Variants in MAN1C1 observed in about 807,000 individuals in gnomAD.
MAN1C1 encodes mannosyl-oligosaccharide 1,2-alpha-mannosidase IC.
Under a neutral mutation model 71.5 loss-of-function variants are expected in MAN1C1, and 49 were observed. That is an observed-to-expected ratio of 0.69 (90% CI 0.54 to 0.87). MAN1C1 has a LOEUF of 0.87. MAN1C1 is among the 40% of genes least tolerant of loss of function. The pLI, the probability that MAN1C1 is intolerant of heterozygous loss-of-function variation, is 0.00. For synonymous variants in MAN1C1, 352 were observed against 343.7 expected, an observed-to-expected ratio of 1.02 and a Z score of -0.27; for missense variants, 743 against 835.0, an observed-to-expected ratio of 0.89 and a Z score of 1.36.
chr1:25,685,669 A>G (rs930903997), intron 1 of MAN1C1, among the ~76,000 whole-genome samples: 1 of 152,158 alleles, frequency 6.6e-6, no homozygotes, highest in Non-Finnish European at 1.5e-5. Flanking sequence ...TCCACATAGG[A>G]AGAACTTGTG....
At chr1:25,763,614 A>G in intron 6 of MAN1C1, 1 of 460,422 alleles carries the variant, frequency 2.2e-6, no homozygotes. Flanking sequence ...TCTGGGGTTG[A>G]GACTGTCCAG....
At chr1:25,672,267 A>T (rs192978569) in intron 1 of MAN1C1, among the ~76,000 whole-genome samples, 1 of 152,314 alleles carries the variant, frequency 6.6e-6, no homozygotes, top group East Asian at 1.9e-4. Context: ...CCTTCAGCTG[A>T]TGGGATGGTG....
chr1:25,707,227 C>T (rs932203536), intron 2 of MAN1C1, among the ~76,000 whole-genome samples: 3 of 152,156 alleles, frequency 2.0e-5, no homozygotes, highest in African/African-American at 7.2e-5. Context: ...CGTATAAAGC[C>T]ATCAGCACGA....
At chr1:25,752,172 T>C (rs2047224973) in intron 4 of MAN1C1, among the ~76,000 whole-genome samples, 1 of 152,086 alleles carries the variant, frequency 6.6e-6, no homozygotes. Flanking sequence ...GGCACGGCAC[T>C]TCACAGTTTA....
At chr1:25,652,097 T>C (rs900807901) in intron 1 of MAN1C1, among the ~76,000 whole-genome samples, 6 of 152,190 alleles carry the variant, frequency 3.9e-5, no homozygotes, top group African/African-American at 1.4e-4. Flanking sequence ...AGCTCTTGAC[T>C]CCTAAAAGTC....
intron 1 of MAN1C1, among the ~76,000 whole-genome samples, chr1:25,679,569 A>T (rs1234817400): frequency 6.6e-6 from 1 of 152,034 alleles, no homozygotes; most frequent in East Asian, 1.9e-4. Context: ...AAAAAAAAAA[A>T]AAAAGGCATT....
chr1:25,721,541 A>G lies in MAN1C1; in HGVS notation c.638-25127A>G, dbSNP rs544199411. ...TACCTAAGTATTTTATTCCTTTTTG[A>G]TGCTTTGTAAATGGAATTGTCTTCT... On this transcript the variant is annotated intron_variant, in intron 2 of 11. Coordinates refer to ENST00000374332, the MANE Select transcript of MAN1C1 (RefSeq NM_020379.4). Among the ~76,000 whole-genome samples the G allele has an allele frequency of 7.2e-5, 11 of 152,108 alleles. No homozygotes were observed. The South Asian group carries it at 2.3e-3, about 32-fold the overall frequency.
chr1:25,699,207 G>A (rs780019522), intron 2 of MAN1C1, among the ~76,000 whole-genome samples: 2 of 151,910 alleles, frequency 1.3e-5, no homozygotes, highest in African/African-American at 2.4e-5. Context: ...GGCTGAGGCA[G>A]GAGAATCGCT....
At chr1:25,671,260 C>T (rs750427535) in intron 1 of MAN1C1, among the ~76,000 whole-genome samples, 8 of 152,162 alleles carry the variant, frequency 5.3e-5, no homozygotes, top group Non-Finnish European at 7.3e-5. Context: ...AATAAGGATA[C>T]GGGCTGGCAT....
rs75256441 is a variant in MAN1C1, at chr1:25,764,275, G to A, written c.1141+308G>A. 0.015 allele frequency among the ~76,000 whole-genome samples: 2,263 copies of A among 152,176 alleles called. 53 individuals are homozygous for A. Among genetic ancestry groups the A allele is most frequent in the African/African-American group, 0.051 (2,127 of 41,494 alleles). ...AGCCTTCCATCTCTTATGCTGCTGC[G>A]GGAGCCTCCTGCATTATACCCCAGG... is the stretch of plus-strand genomic sequence containing the variant. On this transcript the variant is annotated intron_variant, in intron 7 of 11. Transcript: ENST00000374332. This position sits in a 1 kb window ranked among gnomAD's most constrained non-coding sequence, Gnocchi z 4.4.
At chr1:25,641,243 G>T (rs1305526245) in intron 1 of MAN1C1, among the ~76,000 whole-genome samples, 2 of 152,184 alleles carry the variant, frequency 1.3e-5, no homozygotes, top group African/African-American at 2.4e-5. Flanking sequence ...CAGCCTTGCG[G>T]CATACAGAGC....
chr1:25,781,225 C>T, intron 10 of MAN1C1, 113 bp downstream of exon 10: 5 of 1,144,570 alleles, frequency 4.4e-6, no homozygotes, highest in Non-Finnish European at 6.3e-6. Flanking sequence ...CCACGTTGAC[C>T]TCTGACCACA....
chr1:25,659,291 G>A (rs2045813394), intron 1 of MAN1C1, among the ~76,000 whole-genome samples: 1 of 152,198 alleles, frequency 6.6e-6, no homozygotes, highest in African/African-American at 2.4e-5. Flanking sequence ...AGCAGCCTTG[G>A]CTCTGCCCCC....
At chr1:25,678,733 A>C (rs894373589) in intron 1 of MAN1C1, among the ~76,000 whole-genome samples, 6 of 152,180 alleles carry the variant, frequency 3.9e-5, no homozygotes, top group African/African-American at 1.2e-4. Context: ...TGATGAACCC[A>C]CTTTCTAAGC....
intron 4 of MAN1C1, among the ~76,000 whole-genome samples, chr1:25,752,108 A>C (rs1358385862): frequency 2.0e-5 from 3 of 152,184 alleles, no homozygotes; most frequent in African/African-American, 7.2e-5. Context: ...AGTCCTACCG[A>C]GAGCCAGTGC....
rs1369362499 is a variant in MAN1C1, at chr1:25,763,896, T to A, written c.1070T>A (p.Leu357His). The A allele has an allele frequency of 1.2e-6, 2 of 1,613,896 alleles. No individual in the cohort carries two copies. Among genetic ancestry groups the A allele is most frequent in the Non-Finnish European group, 8.5e-7 (1 of 1,180,008 alleles). Residue 357 changes from leucine (L) to histidine (H), a missense_variant, in exon 7 of 12, where the codon CTC (leucine) becomes CAC (histidine). Coordinates refer to ENST00000374332, the MANE Select transcript of MAN1C1 (RefSeq NM_020379.4). ...AEKVRNIRKV[L>H]RKIEKPFGLY... ...CAGGTCAGGAACATCCGCAAGGTCC[T>A]CAGGAAGATCGAAAAGCCCTTTGGC...
At position 25,725,981 on chromosome 1, in the gene MAN1C1, C is replaced by G. The variant is rs2046825923; in HGVS notation, c.638-20687C>G. Among the ~76,000 whole-genome samples the G allele has an allele frequency of 6.6e-6, 1 of 152,220 alleles. No homozygotes were observed. The highest frequency in any genetic ancestry group is 2.4e-5 in the African/African-American group (1 of 41,464). ...GCTTTCATCTGAGTGAGCTGCCCAG[C>G]TGGGCATGGGCTGGATCACAAAGGG... is the stretch of plus-strand genomic sequence containing the variant. On this transcript the variant is annotated intron_variant, in intron 2 of 11. Coordinates refer to ENST00000374332, the MANE Select transcript of MAN1C1 (RefSeq NM_020379.4). The surrounding 1 kb of genome is among the most constrained non-coding windows in gnomAD (Gnocchi z 4.8).
At chr1:25,675,223 C>G (rs2046047514) in intron 1 of MAN1C1, among the ~76,000 whole-genome samples, 1 of 152,030 alleles carries the variant, frequency 6.6e-6, no homozygotes. Flanking sequence ...GACTTTTATC[C>G]CTCAACCCCT....
At chr1:25,624,575 A>G (rs2045265022) in intron 1 of MAN1C1, among the ~76,000 whole-genome samples, 1 of 152,252 alleles carries the variant, frequency 6.6e-6, no homozygotes, top group South Asian at 2.1e-4. Flanking sequence ...GGTAACTTTT[A>G]CAGAAGAAAC....
Sources: allele counts gnomAD v4.1 joint callset (sites outside exome capture counted in the v4.1 genomes callset), GRCh38; gene constraint gnomAD v4.1.1; non-coding constraint Gnocchi (gnomAD v3.1); transcripts MANE v1.5; gene names NCBI Gene and HGNC (gene_info 2026-07-23, HGNC 2026-07-21).